Variants in ARID5B observed in about 807,000 individuals in gnomAD.
ARID5B encodes AT-rich interactive domain-containing protein 5B.
In ARID5B, 13 loss-of-function variants were observed where a neutral mutation model predicts 97.2. The observed-to-expected ratio is 0.13, with a 90% CI of 0.09 to 0.21. ARID5B has a LOEUF of 0.21. Among genes scored for constraint, ARID5B ranks in the 10% least tolerant of loss-of-function variants. ARID5B has a pLI of 1.00. For synonymous variants in ARID5B, 556 were observed against 570.3 expected, an observed-to-expected ratio of 0.97 and a Z score of 0.36; for missense variants, 1,210 against 1,465.3, an observed-to-expected ratio of 0.83 and a Z score of 2.84.
At chr10:61,930,698 C>T (rs552206144) in intron 2 of ARID5B, among the ~76,000 whole-genome samples, 8 of 130,384 alleles carry the variant, frequency 6.1e-5, no homozygotes, top group African/African-American at 1.1e-4. Context: ...CCAGCCTGGG[C>T]GACAGAGCGA....
At chr10:61,969,165 A>C (rs1029865259) in intron 3 of ARID5B, among the ~76,000 whole-genome samples, 7 of 152,122 alleles carry the variant, frequency 4.6e-5, no homozygotes, top group Admixed American at 4.6e-4. Flanking sequence ...CCTCCCCCCC[A>C]AATAAAGTGC....
rs556159425 is a variant in ARID5B at position 61,938,674 on chromosome 10, C to T, written c.277-1509C>T. On this transcript the variant is annotated intron_variant, in intron 2 of 9. Transcript: ENST00000279873. ...GTACTCAAATTTTTTCTTGAGCGCA[C>T]GATAGAAACACAGTTTCCACTTTGT... Among the ~76,000 whole-genome samples, 140 of 152,090 alleles carry T rather than the reference C, an allele frequency of 9.2e-4. 1 individual carries two copies. Among genetic ancestry groups the T allele is most frequent in the African/African-American group, 3.1e-3 (129 of 41,500 alleles).
intron 5 of ARID5B, among the ~76,000 whole-genome samples, chr10:62,052,955 T>C (rs1194529841): frequency 6.6e-6 from 1 of 152,184 alleles, no homozygotes; most frequent in African/African-American, 2.4e-5. Context: ...CTGCTTCCAG[T>C]GGGTCTGGCA....
chr10:62,053,162 AATC>A (rs1193278327), intron 5 of ARID5B, among the ~76,000 whole-genome samples: 1 of 152,178 alleles, frequency 6.6e-6, no homozygotes, highest in African/African-American at 2.4e-5. Context: ...GTGACCATCT[AATC>A]ATCTGTTGAA....
chr10:61,970,186 G>A lies in ARID5B; in HGVS notation c.502+29778G>A, dbSNP rs534233544. ...AATAGCTTTTATTTAGAGTCAACAA[G>A]TGATGAAAAAGCTCTTACTTAAATA... On this transcript the variant is annotated intron_variant, in intron 3 of 9. Transcript: ENST00000279873. Among the ~76,000 whole-genome samples, 8 of 152,248 alleles carry A rather than the reference G, an allele frequency of 5.3e-5. No homozygotes were observed. In the South Asian group the frequency reaches 1.2e-3, roughly 24 times the overall value.
chr10:61,981,128 C>A (rs1295019853), intron 3 of ARID5B, among the ~76,000 whole-genome samples: 2 of 152,192 alleles, frequency 1.3e-5, no homozygotes, highest in Non-Finnish European at 2.9e-5. Flanking sequence ...AAAATGGAAG[C>A]AGTAAACTTA....
intron 2 of ARID5B, among the ~76,000 whole-genome samples, chr10:61,914,705 A>T (rs1843869135): frequency 6.6e-6 from 1 of 152,250 alleles, no homozygotes; most frequent in Non-Finnish European, 1.5e-5. Context: ...GACCACTTAT[A>T]TGTCAGGCAT....
intron 2 of ARID5B, among the ~76,000 whole-genome samples, chr10:61,932,829 C>T (rs1844234870): frequency 6.6e-6 from 1 of 152,098 alleles, no homozygotes; most frequent in Admixed American, 6.5e-5. Flanking sequence ...GTCATTTCAG[C>T]AATGTTCACA....
chr10:62,032,782 C>A (rs573309262), intron 4 of ARID5B, among the ~76,000 whole-genome samples: 1 of 152,160 alleles, frequency 6.6e-6, no homozygotes, highest in Non-Finnish European at 1.5e-5. Context: ...AAAACCAGGA[C>A]TTGGTTTGGC....
At chr10:62,022,646 T>A (rs1053290049) in intron 4 of ARID5B, among the ~76,000 whole-genome samples, 1 of 152,172 alleles carries the variant, frequency 6.6e-6, no homozygotes, top group African/African-American at 2.4e-5. Flanking sequence ...AGGAACCCAG[T>A]TTTTTTCTAC....
intron 4 of ARID5B, chr10:62,024,654 T>TG: frequency 2.5e-6 from 1 of 395,444 alleles, no homozygotes; most frequent in Non-Finnish European, 4.5e-6. Flanking sequence ...TTATATTTTC[T>TG]GATTTTTTTT....
intron 5 of ARID5B, among the ~76,000 whole-genome samples, chr10:62,053,927 C>A (rs1442719332): frequency 6.6e-6 from 1 of 152,194 alleles, no homozygotes; most frequent in African/African-American, 2.4e-5. Context: ...GGTCACCTAG[C>A]AAGTTAGCAA....
At chr10:62,006,941 A>G (rs369185240) in intron 4 of ARID5B, among the ~76,000 whole-genome samples, 1 of 152,216 alleles carries the variant, frequency 6.6e-6, no homozygotes, top group Admixed American at 6.5e-5. Context: ...TCACGCCGTA[A>G]GAAATGATTT....
At chr10:61,969,043 A>G (rs553074378) in intron 3 of ARID5B, among the ~76,000 whole-genome samples, 1 of 152,190 alleles carries the variant, frequency 6.6e-6, no homozygotes, top group South Asian at 2.1e-4. Context: ...GGGAGATTCA[A>G]AATGATTTCT....
In ARID5B at chr10:62,092,568, C is replaced by G; in HGVS notation, c.3105C>G (p.Asp1035Glu). 6.2e-7 allele frequency: 1 copy of G among 1,614,180 alleles called. No individual in the cohort carries two copies. The highest frequency in any genetic ancestry group is 8.5e-7 in the Non-Finnish European group (1 of 1,180,026). ...AGGCCCGGGCAGTGTCTCCCTTAGACCCATCCAAGGAGGTCTCTGGGAAGG... is the reference window on the plus strand; with the variant it reads ...AGGCCCGGGCAGTGTCTCCCTTAGAGCCATCCAAGGAGGTCTCTGGGAAGG... Reference protein sequence around the residue: ...GKKARAVSPLDPSKEVSGKEK... With the variant: ...GKKARAVSPLEPSKEVSGKEK... The change falls in exon 10 of 10, where the codon GAC (aspartate) becomes GAG (glutamate). Residue 1035 changes from aspartate (D) to glutamate (E), a missense_variant. Transcript: ENST00000279873.
At chr10:61,926,319 G>T (rs1399782546) in intron 2 of ARID5B, among the ~76,000 whole-genome samples, 2 of 152,210 alleles carry the variant, frequency 1.3e-5, no homozygotes, top group African/African-American at 2.4e-5. Flanking sequence ...GAGGGAGTAG[G>T]TTGGGATGTG....
intron 3 of ARID5B, among the ~76,000 whole-genome samples, chr10:61,947,513 A>ACC (rs1311155314): frequency 6.6e-6 from 1 of 151,314 alleles, no homozygotes; most frequent in Non-Finnish European, 1.5e-5. Flanking sequence ...TCAAGTGATC[A>ACC]CCCGCCTTGG....
At chr10:62,039,453 T>C (rs1186553587) in intron 4 of ARID5B, among the ~76,000 whole-genome samples, 1 of 152,224 alleles carries the variant, frequency 6.6e-6, no homozygotes, top group Non-Finnish European at 1.5e-5. Context: ...TTGTTGCTCT[T>C]TTATTTTTAC....
chr10:61,963,722 G>C (rs1838505759), intron 3 of ARID5B, among the ~76,000 whole-genome samples: 1 of 152,004 alleles, frequency 6.6e-6, no homozygotes, highest in Non-Finnish European at 1.5e-5. Context: ...GTGCATTCTT[G>C]ATTTCTGTGC....
Sources: allele counts gnomAD v4.1 joint callset (sites outside exome capture counted in the v4.1 genomes callset), GRCh38; gene constraint gnomAD v4.1.1; transcripts MANE v1.5; gene names NCBI Gene and HGNC (gene_info 2026-07-23, HGNC 2026-07-21).